The following TMEM114 variants were observed in gnomAD, a reference collection of about 807,000 sequenced individuals.
The protein encoded by TMEM114 is claudin-26.
TMEM114 carries 6 observed loss-of-function variants against 6.2 expected under a neutral mutation model. The ratio of observed to expected loss-of-function variants is 0.97; its 90% CI spans 0.53 to 1.91. The LOEUF (loss-of-function observed/expected upper bound fraction) is 1.91, where lower values mean the gene tolerates loss of function less well. TMEM114 is among the 40% of genes most tolerant of loss of function. The probability of loss-of-function intolerance (pLI) is 0.01; values close to 1 mark genes in which losing one functional copy is unlikely to be tolerated. For missense variants in TMEM114, 218 were observed against 158.3 expected, an observed-to-expected ratio of 1.38 and a Z score of -2.02; for synonymous variants, 104 against 73.0, an observed-to-expected ratio of 1.42 and a Z score of -2.16.
In TMEM114 at chr16:8,582,656, G is replaced by T. The variant is rs549237909; in HGVS notation, c.301+6557C>A. Among the ~76,000 whole-genome samples the T allele has an allele frequency of 2.2e-4, 33 of 152,230 alleles. No homozygotes were observed. In the East Asian group the frequency reaches 6.2e-3, roughly 28 times the overall value. The stretch of plus-strand genomic sequence containing the variant: ...TGTAATCCCAGCACTTTGGGAGGCC[G>T]AGGCGGGTGGATCACTTGAGGTCAA... On this transcript the variant is annotated intron_variant, in intron 2 of 3. Transcript: ENST00000620492.
intron 2 of TMEM114, among the ~76,000 whole-genome samples, chr16:8,546,612 G>A (rs1405433626): frequency 6.6e-6 from 1 of 152,172 alleles, no homozygotes. Flanking sequence ...AATGCCCAGG[G>A]TTCAAATAAT....
Position 8,589,733 on chromosome 16 carries a change from C to T in TMEM114, c.106G>A (p.Asp36Asn). ...AIGTDFWYII[D>N]TERLERTGPG... ...CCAGTCCTCTCCAGCCGCTCGGTGT[C>T]AATGATATACCAGAAGTCCGTGCCG... is the stretch of plus-strand genomic sequence containing the variant. Residue 36 changes from aspartate to asparagine, a missense_variant, in exon 1 of 4, where the codon GAC (aspartate) becomes AAC (asparagine). By Grantham distance (23) the Asp-to-Asn change is conservative. Transcript: ENST00000620492. The T allele has an allele frequency of 2.5e-6, 1 of 398,548 alleles. No individual in the cohort carries two copies. The highest frequency in any genetic ancestry group is 4.4e-6 in the Non-Finnish European group (1 of 226,060). The allele number at this position is 398,548 out of a possible 1,614,324, so 24.7% of individuals were successfully genotyped here.
At chr16:8,539,224 C>T (rs113274519) in intron 2 of TMEM114, among the ~76,000 whole-genome samples, 101 of 152,188 alleles carry the variant, frequency 6.6e-4, no homozygotes, top group Non-Finnish European at 1.1e-3. Flanking sequence ...GGCCAACTGC[C>T]CTCAGGGTGC....
chr16:8,544,838 A>G lies in TMEM114; in HGVS notation n.213-7012T>C, dbSNP rs554755078. Reference sequence around the variant, plus strand: ...CATTTGAAAAATAGCTGCACCCAGGAAAACATACACTGCTCCCCTCAGAGA... The same window carrying G: ...CATTTGAAAAATAGCTGCACCCAGGGAAACATACACTGCTCCCCTCAGAGA... On this transcript the variant is annotated intron_variant and non_coding_transcript_variant, in intron 2 of 2. Coordinates refer to the TMEM114 transcript ENST00000623677. Among the ~76,000 whole-genome samples the G allele has an allele frequency of 8.5e-5, 13 of 152,298 alleles. No individual in the cohort carries two copies. The South Asian group carries it at 2.5e-3, about 29-fold the overall frequency.
chr16:8,530,047 T>C, the TMEM114 span, among the ~76,000 whole-genome samples: 2 of 152,228 alleles, frequency 1.3e-5, no homozygotes, highest in African/African-American at 4.8e-5. Context: ...CCATACCAAT[T>C]CTATTTCCTG....
intron 2 of TMEM114, among the ~76,000 whole-genome samples, chr16:8,544,832 C>G (rs759074783): frequency 1.3e-5 from 2 of 152,092 alleles, no homozygotes; most frequent in Non-Finnish European, 2.9e-5. Flanking sequence ...AATAGCTGCA[C>G]CCAGGAAAAC....
intron 2 of TMEM114, among the ~76,000 whole-genome samples, chr16:8,560,582 G>A (rs1201682463): frequency 6.6e-6 from 1 of 152,202 alleles, no homozygotes; most frequent in Non-Finnish European, 1.5e-5. Flanking sequence ...GGTAGCCCGG[G>A]ATGTCAAAGG....
chr16:8,555,894 C>T (rs930408949), intron 2 of TMEM114, among the ~76,000 whole-genome samples: 6 of 152,284 alleles, frequency 3.9e-5, no homozygotes, highest in African/African-American at 7.2e-5. Context: ...GTTGGGAAAG[C>T]CTGGTTGGCC....
intron 2 of TMEM114, among the ~76,000 whole-genome samples, chr16:8,538,618 T>C (rs762275956): frequency 1.3e-5 from 2 of 151,982 alleles, no homozygotes; most frequent in Non-Finnish European, 2.9e-5. Context: ...CGCCATTCTC[T>C]TGCCTCAGCC....
chr16:8,530,745 C>T, the TMEM114 span, among the ~76,000 whole-genome samples: 4 of 151,700 alleles, frequency 2.6e-5, no homozygotes, highest in Admixed American at 6.6e-5. Context: ...AAGGAGGGGC[C>T]GGGCATTGTG....
chr16:8,570,277 G>A (rs1281855604), intron 3 of TMEM114, among the ~76,000 whole-genome samples: 1 of 151,974 alleles, frequency 6.6e-6, no homozygotes, highest in Non-Finnish European at 1.5e-5. Context: ...CCATACAGCT[G>A]CCCATCACTG....
At chr16:8,529,016 G>A in the TMEM114 span, among the ~76,000 whole-genome samples, 54 of 152,290 alleles carry the variant, frequency 3.5e-4, no homozygotes, top group African/African-American at 9.4e-4. Flanking sequence ...TATTGACTTT[G>A]AAGGTCCTTC....
chr16:8,570,074 G>C, intron 3 of TMEM114, 69 bp from the exon 4 acceptor site: 1 of 1,487,258 alleles, frequency 6.7e-7, no homozygotes, highest in South Asian at 1.3e-5. Flanking sequence ...CCTCCTCCTC[G>C]CCCTGCCCAG....
intron 2 of TMEM114, among the ~76,000 whole-genome samples, chr16:8,579,637 T>G (rs1268509630): frequency 2.0e-5 from 3 of 152,176 alleles, no homozygotes; most frequent in Non-Finnish European, 4.4e-5. Context: ...AGCCTCGTTT[T>G]CGTCACCTGT....
chr16:8,558,228 A>G (rs1202636240), intron 2 of TMEM114, among the ~76,000 whole-genome samples: 2 of 152,236 alleles, frequency 1.3e-5, no homozygotes, highest in African/African-American at 4.8e-5. Flanking sequence ...AGCCTAGGCA[A>G]CAGAATGAGA....
At chr16:8,585,676 G>T (rs1902295359) in intron 2 of TMEM114, among the ~76,000 whole-genome samples, 2 of 152,068 alleles carry the variant, frequency 1.3e-5, no homozygotes, top group Admixed American at 1.3e-4. Context: ...AGGAGTACAT[G>T]GTATGAAGGG....
downstream of TMEM114, among the ~76,000 whole-genome samples, chr16:8,536,474 C>A (rs1471695069): frequency 6.6e-6 from 1 of 152,078 alleles, no homozygotes; most frequent in Non-Finnish European, 1.5e-5. Flanking sequence ...GGTATCTCAA[C>A]ATTAGGGAAT....
intron 2 of TMEM114, among the ~76,000 whole-genome samples, chr16:8,560,365 G>A (rs752777531): frequency 3.3e-5 from 5 of 152,020 alleles, no homozygotes; most frequent in Non-Finnish European, 5.9e-5. Context: ...CAGTGGGAGC[G>A]AGGGTGGGCA....
chr16:8,548,016 AACATT>A (rs1900725565), intron 2 of TMEM114, among the ~76,000 whole-genome samples: 1 of 152,158 alleles, frequency 6.6e-6, no homozygotes, highest in Non-Finnish European at 1.5e-5. Flanking sequence ...CTCTGGCCAA[AACATT>A]TGGCCGGACT....
Sources: allele counts gnomAD v4.1 joint callset (sites outside exome capture counted in the v4.1 genomes callset), GRCh38; gene constraint gnomAD v4.1.1; transcripts MANE v1.5; gene names NCBI Gene and HGNC (gene_info 2026-07-23, HGNC 2026-07-21).